EPB41L1: variants seen among roughly 807,000 people sequenced by gnomAD.
EPB41L1 encodes erythrocyte membrane protein band 4.1 like 1.
Under a neutral mutation model 97.8 loss-of-function variants are expected in EPB41L1, and 29 were observed. The observed-to-expected ratio is 0.30, with a 90% CI of 0.22 to 0.40. The LOEUF (loss-of-function observed/expected upper bound fraction) is 0.40. Among genes scored for constraint, EPB41L1 ranks in the 10% least tolerant of loss-of-function variants. The probability of loss-of-function intolerance (pLI) is 1.00; values close to 1 mark genes in which losing one functional copy is unlikely to be tolerated. For missense variants in EPB41L1, 812 were observed against 1,162.3 expected (o/e 0.70, Z 4.38); for synonymous variants, 383 against 459.2 (o/e 0.83, Z 2.12).
intron 18 of EPB41L1, 34 bp downstream of exon 18, chr20:36,218,996 TC>T (rs1281799107): frequency 6.2e-7 from 1 of 1,603,212 alleles, no homozygotes; most frequent in Non-Finnish European, 8.5e-7. Context: ...GCTAGGGGAC[TC>T]CACACTGAGA....
At chr20:36,167,939 A>G (rs6058429) in intron 1 of EPB41L1, among the ~76,000 whole-genome samples, 11,242 of 152,068 alleles carry the variant, frequency 0.074, 534 homozygotes, top group East Asian at 0.13. Context: ...AGCAAATCCA[A>G]GTTACTGGAC....
At chr20:36,172,843 G>A (rs1004420217) in intron 1 of EPB41L1, among the ~76,000 whole-genome samples, 3 of 152,238 alleles carry the variant, frequency 2.0e-5, no homozygotes, top group Admixed American at 6.5e-5. Context: ...TAGGTGATCC[G>A]CCCTCCCTGG....
intron 1 of EPB41L1, among the ~76,000 whole-genome samples, chr20:36,106,903 A>G (rs1195765553): frequency 6.6e-6 from 1 of 151,934 alleles, no homozygotes; most frequent in Non-Finnish European, 1.5e-5. Flanking sequence ...CCCAGGCTCA[A>G]GCGATTCTCC....
In EPB41L1 at chr20:36,207,373, C is replaced by T. The variant is rs954947225; in HGVS notation, c.1669-2115C>T. ...GGGGTTTGGGTTCCCTTCAGGGAAG[C>T]GAAGGGAGATGACCTCTTTCCAGGC... On this transcript the variant is annotated intron_variant, in intron 14 of 21. Coordinates refer to ENST00000338074, the MANE Select transcript of EPB41L1 (RefSeq NM_012156.2). This position sits in a 1 kb window ranked among gnomAD's most constrained non-coding sequence, Gnocchi z 4.9. 7 of 1,289,138 alleles carry T rather than the reference C, an allele frequency of 5.4e-6. No homozygotes were observed. Among genetic ancestry groups the T allele is most frequent in the African/African-American group, 1.5e-5 (1 of 65,922 alleles). 79.9% of individuals were successfully genotyped at this position (1,289,138 alleles called of 1,614,324 possible). A position where few individuals can be genotyped will look rare whatever the true frequency, so the allele number is the denominator to read the frequency against.
In EPB41L1 at chr20:36,119,836, T is replaced by C. The variant is rs573183272; in HGVS notation, c.-10+7356T>C. On this transcript the variant is annotated intron_variant, in intron 2 of 19. Coordinates refer to the EPB41L1 transcript ENST00000202028. ...TAAGCAGGCGAGGAACAATGCTAGA[T>C]TGCCCACTGCCCTCCATCCAGGGCA... Among the ~76,000 whole-genome samples, 17 of 152,196 alleles carry C rather than the reference T, an allele frequency of 1.1e-4. No homozygotes were observed. In the East Asian group the frequency reaches 3.3e-3, roughly 29 times the overall value.
intron 21 of EPB41L1, 93 bp from the exon 22 acceptor site, chr20:36,229,225 CCATGTATTTTAAAA>C (rs2064369650): frequency 1.1e-6 from 1 of 940,038 alleles, no homozygotes; most frequent in African/African-American, 1.6e-5. Context: ...CAACCTCTTG[CCATGTATTTTAAAA>C]CAAGTGACAG....
chr20:36,199,461 T>A (rs182674646), intron 14 of EPB41L1, among the ~76,000 whole-genome samples: 2 of 152,314 alleles, frequency 1.3e-5, no homozygotes, highest in East Asian at 3.9e-4. Context: ...GCAGAGCATT[T>A]TATTGGATCA....
In EPB41L1 at chr20:36,175,733, G is replaced by A; in HGVS notation, c.342+18G>A. The A allele has an allele frequency of 6.2e-7, 1 of 1,613,660 alleles. No homozygotes were observed. Among genetic ancestry groups the A allele is most frequent in the Admixed American group, 1.7e-5 (1 of 60,004 alleles). ...AGGTGGAGGTAGGGGAGCACTGAGT[G>A]CCATATGTCCCGTCCCCGGTCAGCC... is the stretch of plus-strand genomic sequence containing the variant. On this transcript the variant is annotated intron_variant, in intron 3 of 21. Transcript: ENST00000338074.
Position 36,217,910 on chromosome 20 carries a change from G to A in EPB41L1, c.2269-966G>A, listed in dbSNP as rs949152469. ...CAGAATCAGAGGTCAGGCCACTGAG[G>A]ACCTGCAGAATGGACACAGTTCTGG... On this transcript the variant is annotated intron_variant, in intron 17 of 21. Transcript: ENST00000338074. Among the ~76,000 whole-genome samples the A allele has an allele frequency of 9.9e-5, 15 of 152,176 alleles. 1 individual carries two copies. Among genetic ancestry groups the A allele is most frequent in the Admixed American group, 2.6e-4 (4 of 15,280 alleles).
chr20:36,198,995 G>C (rs192222406), intron 14 of EPB41L1, among the ~76,000 whole-genome samples: 1 of 152,148 alleles, frequency 6.6e-6, no homozygotes, highest in Non-Finnish European at 1.5e-5. Flanking sequence ...ACCTTGATGC[G>C]CAGTGTGAGT....
At chr20:36,107,518 T>C (rs911688819) in intron 1 of EPB41L1, among the ~76,000 whole-genome samples, 1 of 88,654 alleles carries the variant, frequency 1.1e-5, no homozygotes, top group Non-Finnish European at 2.4e-5. Flanking sequence ...CGTGCCCGGC[T>C]TTTTTTTTTT....
chr20:36,218,875 G>T lies in EPB41L1; in HGVS notation c.2269-1G>T. 1 of 1,614,096 alleles carries T rather than the reference G, an allele frequency of 6.2e-7. No individual in the cohort carries two copies. The highest frequency in any genetic ancestry group is 8.5e-7 in the Non-Finnish European group (1 of 1,179,998). On this transcript the variant is annotated splice_acceptor_variant, in intron 17 of 21. Coordinates refer to ENST00000338074, the MANE Select transcript of EPB41L1 (RefSeq NM_012156.2). LOFTEE classifies it high-confidence loss of function. Reference sequence around the variant, plus strand: ...CCATCTGAGCACTATTGTTTCCCCAGGAGAACAGTCTCAAGTCCGGGAAGG... The same window carrying T: ...CCATCTGAGCACTATTGTTTCCCCATGAGAACAGTCTCAAGTCCGGGAAGG...
chr20:36,183,004 G>A (rs918444402), intron 6 of EPB41L1, among the ~76,000 whole-genome samples: 2 of 152,202 alleles, frequency 1.3e-5, no homozygotes, highest in African/African-American at 2.4e-5. Context: ...GTGCAGTCTC[G>A]TTGTGCCTCA....
At chr20:36,146,226 C>A (rs1193059480) in intron 2 of EPB41L1, among the ~76,000 whole-genome samples, 1 of 152,204 alleles carries the variant, frequency 6.6e-6, no homozygotes, top group African/African-American at 2.4e-5. Context: ...GTAGAGAGCT[C>A]TTGCTTCCTA....
intron 2 of EPB41L1, chr20:36,148,631 C>G (rs2059928165): frequency 6.6e-6 from 1 of 152,220 alleles, no homozygotes; most frequent in African/African-American, 2.4e-5. Context: ...CAGAGCCAGA[C>G]CAGATCCTCT....
intron 11 of EPB41L1, among the ~76,000 whole-genome samples, chr20:36,191,789 C>T (rs112553236): frequency 8.5e-5 from 13 of 152,286 alleles, no homozygotes; most frequent in African/African-American, 3.1e-4. Flanking sequence ...TCCTCTTCTA[C>T]AAAATACATA....
At chr20:36,097,926 A>G (rs1379092156) in intron 1 of EPB41L1, among the ~76,000 whole-genome samples, 1 of 152,174 alleles carries the variant, frequency 6.6e-6, no homozygotes, top group Admixed American at 6.6e-5. Flanking sequence ...GAGCTGGGGA[A>G]GAGGAGTAAG....
At position 36,222,289 on chromosome 20, in the gene EPB41L1, G is replaced by C; in HGVS notation, c.2532G>C (p.Leu844Phe). Residue 844 changes from leucine (L) to phenylalanine (F), a missense_variant, in exon 21 of 22, where the codon TTG (leucine) becomes TTC (phenylalanine). By Grantham distance (22) the Leu-to-Phe change is conservative. This residue lies in a region of EPB41L1 where 498 missense variants were observed against 622.7 expected (regional missense o/e 0.80). Coordinates refer to ENST00000338074, the MANE Select transcript of EPB41L1 (RefSeq NM_012156.2). ...EDVDQDQALA[L>F]AIKEAKLQHP... ...TTCTTTACCACCAGGCCCTGGCTTTGGCCATCAAGGAGGCCAAACTGCAGC... is the reference window on the plus strand; with the variant it reads ...TTCTTTACCACCAGGCCCTGGCTTTCGCCATCAAGGAGGCCAAACTGCAGC... 6.2e-7 allele frequency: 1 copy of C among 1,613,960 alleles called. No individual in the cohort carries two copies. The highest frequency in any genetic ancestry group is 8.5e-7 in the Non-Finnish European group (1 of 1,179,876).
rs533677437 is a variant in EPB41L1 at position 36,165,292 on chromosome 20, A to C, written c.-14-8472A>C. Among the ~76,000 whole-genome samples, 3 of 152,194 alleles carry C rather than the reference A, an allele frequency of 2.0e-5. No homozygotes were observed. The East Asian group carries it at 5.8e-4, about 30-fold the overall frequency. On this transcript the variant is annotated intron_variant, in intron 1 of 21. Transcript: ENST00000338074. ...CCACCGCGCCTGGCCCAGGACATTA[A>C]CTTTTGTATCTCAAAGTCCTCCCAT...
Sources: allele counts gnomAD v4.1 joint callset (sites outside exome capture counted in the v4.1 genomes callset), GRCh38; gene constraint gnomAD v4.1.1; regional missense constraint gnomAD v4.1.1; non-coding constraint Gnocchi (gnomAD v3.1); transcripts MANE v1.5; gene names NCBI Gene and HGNC (gene_info 2026-07-23, HGNC 2026-07-21).